Variants in RXFP1 observed in about 807,000 individuals in gnomAD.
RXFP1 encodes the protein relaxin receptor 1.
In RXFP1, 73 loss-of-function variants were observed where a neutral mutation model predicts 89.8. The observed-to-expected ratio is 0.81, with a 90% CI of 0.67 to 0.99. The LOEUF is 0.99. RXFP1 is among the 50% of genes least tolerant of loss of function. RXFP1 has a pLI of 0.00. For missense variants in RXFP1, 793 were observed against 895.5 expected, an observed-to-expected ratio of 0.89 and a Z score of 1.46; for synonymous variants, 277 against 305.5, an observed-to-expected ratio of 0.91 and a Z score of 0.97.
chr4:158,621,276 C>T (rs1765583415), intron 9 of RXFP1, among the ~76,000 whole-genome samples: 2 of 152,144 alleles, frequency 1.3e-5, no homozygotes, highest in Admixed American at 1.3e-4. Context: ...TGTGCCACTA[C>T]ACTCCAGCCT....
Position 158,645,083 on chromosome 4 carries a change from A to G in RXFP1, c.1290A>G (p.Arg430=). ...CFGNIFVICM[R]PYIRSENKLY... ...GAAACATTTTTGTCATTTGCATGCG[A>G]CCTTATATCAGGTCTGAGAACAAGC... is the stretch of plus-strand genomic sequence containing the variant. The change falls in exon 15 of 18, where the codon CGA becomes CGG. Residue 430 remains arginine (R), a synonymous_variant. Coordinates refer to ENST00000307765, the MANE Select transcript of RXFP1 (RefSeq NM_021634.4). The G allele has an allele frequency of 6.2e-7, 1 of 1,614,110 alleles. No individual in the cohort carries two copies. The highest frequency in any genetic ancestry group is 1.3e-5 in the African/African-American group (1 of 75,042).
Position 158,626,801 on chromosome 4 carries a change from T to A in RXFP1, c.756-19T>A. On this transcript the variant is annotated intron_variant, in intron 9 of 17. Coordinates refer to ENST00000307765, the MANE Select transcript of RXFP1 (RefSeq NM_021634.4). ...CCATGATTAAGATTTAGCTGTATCG[T>A]TTTATTTTTATGTTCCAGGGACCTT... 6.8e-7 allele frequency: 1 copy of A among 1,469,188 alleles called. No homozygotes were observed. The highest frequency in any genetic ancestry group is 9.3e-7 in the Non-Finnish European group (1 of 1,070,720). 91.0% of individuals were successfully genotyped at this position (1,469,188 alleles called of 1,614,324 possible).
chr4:158,541,772 G>A (rs893063008), intron 1 of RXFP1, among the ~76,000 whole-genome samples: 5 of 152,152 alleles, frequency 3.3e-5, no homozygotes, highest in Admixed American at 1.3e-4. Context: ...TCTCCAAAGA[G>A]TTACAGTCTC....
chr4:158,626,140 A>ATAGATAGATAGATAGATAGATAGATAGT (rs1561157741), intron 9 of RXFP1, among the ~76,000 whole-genome samples: 25 of 147,336 alleles, frequency 1.7e-4, no homozygotes, highest in African/African-American at 6.0e-4. Context: ...AGATAGATAG[A>ATAGATAGATAGATAGATAGATAGATAGT]TAGATAGATA....
chr4:158,605,337 A>C (rs548272309), intron 5 of RXFP1, among the ~76,000 whole-genome samples, 198 bp downstream of exon 5: 2 of 152,198 alleles, frequency 1.3e-5, no homozygotes, highest in African/African-American at 4.8e-5. Context: ...TTCTAGAAAA[A>C]CCTCAGACAC....
rs879357118 is a variant in RXFP1 at position 158,554,718 on chromosome 4, T to TA, written c.50-17968dup. Among the ~76,000 whole-genome samples the TA allele has an allele frequency of 2.4e-3, 350 of 144,456 alleles. 1 individual carries two copies. The highest frequency in any genetic ancestry group is 6.2e-3 in the African/African-American group (245 of 39,692). The allele number at this position is 144,456 out of a possible 152,430, so 94.8% of individuals were successfully genotyped here. The stretch of plus-strand genomic sequence containing the variant: ...ACTTTTGAGACTGGGGGCAATGATG[T>TA]AAAAAAAAAAAATAGGTGTATTGAA... On this transcript the variant is annotated intron_variant, in intron 1 of 17. Transcript: ENST00000307765.
intron 14 of RXFP1, 100 bp downstream of exon 14, chr4:158,639,431 C>A: frequency 1.4e-6 from 1 of 712,082 alleles, no homozygotes; most frequent in South Asian, 1.7e-5. Context: ...TACTAATTTG[C>A]CAGCTATAAA....
chr4:158,617,060 TA>T, intron 8 of RXFP1, 70 bp from the exon 9 acceptor site: 1 of 1,010,032 alleles, frequency 9.9e-7, no homozygotes, highest in Non-Finnish European at 1.5e-6. Context: ...AGAATAATAA[TA>T]ATACCATGTT....
chr4:158,646,926 T>G lies in RXFP1; in HGVS notation c.1481T>G (p.Leu494Arg). 2 of 1,614,220 alleles carry G rather than the reference T, an allele frequency of 1.2e-6. No individual in the cohort carries two copies. Among genetic ancestry groups the G allele is most frequent in the Non-Finnish European group, 1.7e-6 (2 of 1,180,028 alleles). Residue 494 changes from leucine (L) to arginine (R), a missense_variant, in exon 16 of 18, where the codon CTG (leucine) becomes CGG (arginine). Physicochemically the swap from Leu to Arg is moderately radical, Grantham distance 102. Transcript: ENST00000307765. ...HCQLVGSLAI[L>R]STEVSVLLLT... The stretch of plus-strand genomic sequence containing the variant: ...CAGCTTGTAGGATCTTTGGCCATTC[T>G]GTCCACAGAAGTATCAGTTTTACTG...
chr4:158,593,518 T>C lies in RXFP1; in HGVS notation c.286+19T>C, dbSNP rs762508922. 2.1e-6 allele frequency: 3 copies of C among 1,445,830 alleles called. No homozygotes were observed. The Admixed American group carries it at 5.6e-5, about 27-fold the overall frequency. The allele number at this position is 1,445,830 out of a possible 1,614,324, so 89.6% of individuals were successfully genotyped here. A position where few individuals can be genotyped will look rare whatever the true frequency, so the allele number is the denominator to read the frequency against. On this transcript the variant is annotated intron_variant, in intron 3 of 17. Coordinates refer to ENST00000307765, the MANE Select transcript of RXFP1 (RefSeq NM_021634.4). ...GAATGTTGTAAGTAATCAGAGCAGT[T>C]ATTTTCTTTTCCATGAGTTCATAAG...
rs1766927053 is a variant in RXFP1 at position 158,626,754 on chromosome 4, A to AT, written c.756-62dup. On this transcript the variant is annotated intron_variant, in intron 9 of 17. Coordinates refer to ENST00000307765, the MANE Select transcript of RXFP1 (RefSeq NM_021634.4). Reference sequence around the variant, plus strand: ...AAGATATTTTATTAGAAGGCAAATAATTTTAACCAATTTATTTCTCTCCAT... The same window carrying AT: ...AAGATATTTTATTAGAAGGCAAATAATTTTTAACCAATTTATTTCTCTCCAT... The AT allele has an allele frequency of 1.1e-5, 11 of 1,007,726 alleles. No individual in the cohort carries two copies. The Middle Eastern group carries it at 1.0e-3, about 94-fold the overall frequency. The allele number at this position is 1,007,726 out of a possible 1,614,324, so 62.4% of individuals were successfully genotyped here.
At chr4:158,531,174 T>C (rs1352565974) in intron 1 of RXFP1, among the ~76,000 whole-genome samples, 1 of 152,086 alleles carries the variant, frequency 6.6e-6, no homozygotes, top group African/African-American at 2.4e-5. Flanking sequence ...TTGCTGGGAC[T>C]CCAAGTGCAT....
chr4:158,568,692 C>A (rs1185015411), intron 1 of RXFP1, among the ~76,000 whole-genome samples: 1 of 152,078 alleles, frequency 6.6e-6, no homozygotes, highest in Non-Finnish European at 1.5e-5. Context: ...TGTAGCACAG[C>A]TCATTATTAT....
intron 16 of RXFP1, 127 bp from the exon 17 acceptor site, chr4:158,648,372 A>G (rs1461084265): frequency 1.6e-6 from 1 of 625,340 alleles, no homozygotes; most frequent in African/African-American, 1.9e-5. Flanking sequence ...AAACCCACAC[A>G]TTATAGTCTT....
At position 158,628,665 on chromosome 4, in the gene RXFP1, C is replaced by T. The variant is rs748921686; in HGVS notation, c.855C>T (p.His285=). 7.6e-6 allele frequency: 12 copies of T among 1,574,300 alleles called. 1 individual carries two copies. The East Asian group carries it at 2.0e-4, about 27-fold the overall frequency. ...TGATGAGGAAAAACAAAATTAATCACTTAAATGAAAATACTTTTGCACCTC... is the reference window on the plus strand; with the variant it reads ...TGATGAGGAAAAACAAAATTAATCATTTAAATGAAAATACTTTTGCACCTC... ...VLVMRKNKIN[H]LNENTFAPLQ... Residue 285 remains histidine (H), a synonymous_variant, in exon 11 of 18, where the codon CAC becomes CAT. Coordinates refer to ENST00000307765, the MANE Select transcript of RXFP1 (RefSeq NM_021634.4).
At chr4:158,626,148 A>ATAGATAGATAGT (rs1261846692) in intron 9 of RXFP1, among the ~76,000 whole-genome samples, 4,743 of 149,704 alleles carry the variant, frequency 0.032, 129 homozygotes, top group African/African-American at 0.065. Context: ...AGATAGATAG[A>ATAGATAGATAGT]TAGATAGATA....
intron 6 of RXFP1, among the ~76,000 whole-genome samples, chr4:158,609,801 C>T (rs1452297727): frequency 6.6e-6 from 1 of 152,206 alleles, no homozygotes; most frequent in African/African-American, 2.4e-5. Context: ...AGGCTCCTGA[C>T]TGTCTTCTTT....
At chr4:158,609,255 C>A (rs1763106793) in intron 6 of RXFP1, among the ~76,000 whole-genome samples, 1 of 152,214 alleles carries the variant, frequency 6.6e-6, no homozygotes, top group Admixed American at 6.5e-5. Flanking sequence ...ATACTATTTT[C>A]CACAGCAACT....
chr4:158,542,519 G>A (rs1747061670), intron 1 of RXFP1, among the ~76,000 whole-genome samples: 1 of 152,112 alleles, frequency 6.6e-6, no homozygotes, highest in Admixed American at 6.6e-5. Context: ...CTGGTCTCCT[G>A]TTAAAGTGCC....
Sources: allele counts gnomAD v4.1 joint callset (sites outside exome capture counted in the v4.1 genomes callset), GRCh38; gene constraint gnomAD v4.1.1; transcripts MANE v1.5; gene names NCBI Gene and HGNC (gene_info 2026-07-23, HGNC 2026-07-21).